Variants in HIGD1B observed in about 807,000 individuals in gnomAD.
HIGD1B encodes the protein HIG1 domain family member 1B.
Under a neutral mutation model 8.8 loss-of-function variants are expected in HIGD1B, and 9 were observed. The observed-to-expected ratio is 1.02, with a 90% CI of 0.62 to 1.78. HIGD1B has a LOEUF of 1.78. Among genes scored for constraint, HIGD1B ranks in the 40% most tolerant of loss-of-function variants. HIGD1B has a pLI of 0.00. For missense variants in HIGD1B, 126 were observed against 111.8 expected, an observed-to-expected ratio of 1.13 and a Z score of -0.57; for synonymous variants, 47 against 38.8, an observed-to-expected ratio of 1.21 and a Z score of -0.78.
upstream of HIGD1B, among the ~76,000 whole-genome samples, chr17:44,845,971 A>G (rs2050319133): frequency 6.6e-6 from 1 of 151,586 alleles, no homozygotes; most frequent in African/African-American, 2.4e-5. Context: ...CAGCCTAGAG[A>G]GTCTGTCTCT....
upstream of HIGD1B, among the ~76,000 whole-genome samples, chr17:44,845,389 A>T (rs1010824618): frequency 4.6e-5 from 7 of 152,008 alleles, no homozygotes; most frequent in African/African-American, 1.7e-4. Context: ...TGGGCCCTGT[A>T]GCTTCCACCT....
chr17:44,845,352 A>G (rs1351039785), upstream of HIGD1B, among the ~76,000 whole-genome samples: 1 of 151,886 alleles, frequency 6.6e-6, no homozygotes, highest in Non-Finnish European at 1.5e-5. Context: ...GCATCACCCC[A>G]TAGGTAGTAT....
upstream of HIGD1B, among the ~76,000 whole-genome samples, chr17:44,846,886 T>C (rs573598513): frequency 2.0e-5 from 3 of 151,710 alleles, no homozygotes; most frequent in South Asian, 4.2e-4. Context: ...CTGTAATCCC[T>C]GCACTTTGGG....
intron 1 of HIGD1B, 49 bp from the exon 2 acceptor site, chr17:44,849,205 G>A: frequency 6.2e-7 from 1 of 1,607,140 alleles, no homozygotes; most frequent in Non-Finnish European, 8.5e-7. Context: ...CATCAGGGGA[G>A]TGCTGTGCAT....
In HIGD1B at chr17:44,849,306, T is replaced by A; in HGVS notation, c.153T>A (p.Ser51=). 6.2e-7 allele frequency: 1 copy of A among 1,614,166 alleles called. No individual in the cohort carries two copies. The highest frequency in any genetic ancestry group is 1.1e-5 in the South Asian group (1 of 91,080). The change falls in exon 2 of 3, where the codon TCT becomes TCA. Residue 51 remains serine (S), a synonymous_variant. Transcript: ENST00000253410. ...VAAYRIYRLR[S]RGSTKMSIHL... ...CATACAGGATTTACCGGCTGAGGTC[T>A]CGTGGTTCCACCAAGATGTCCATAC...
In HIGD1B at chr17:44,849,271, G is replaced by GT. The variant is rs1472263387; in HGVS notation, c.119dup (p.Val41GlyfsTer64). 1.2e-6 allele frequency: 2 copies of GT among 1,613,966 alleles called. No individual in the cohort carries two copies. Among genetic ancestry groups the GT allele is most frequent in the African/African-American group, 2.7e-5 (2 of 74,902 alleles). ...GCCCACAGGCTTAGGAGGCTGCTTG[G>GT]TGGTAGCAGCATACAGGATTTACCG... On this transcript the variant is annotated frameshift_variant, in exon 2 of 3. Coordinates refer to ENST00000253410, the MANE Select transcript of HIGD1B (RefSeq NM_016438.4). LOFTEE classifies it high-confidence loss of function.
chr17:44,850,169 T>A (rs2050414751), intron 2 of HIGD1B, 163 bp from the exon 3 acceptor site: 5 of 578,032 alleles, frequency 8.7e-6, no homozygotes, highest in Non-Finnish European at 9.3e-6. Context: ...CCAGGTTGTG[T>A]GGTCAGATGC....
Position 44,848,147 on chromosome 17 carries a change from A to G in HIGD1B, c.-6A>G. ...GTCTCAGCTGCTTACATCCAGGTCC[A>G]GGATTATGTCTGCTAACAGACGCTG... On this transcript the variant is annotated 5_prime_UTR_variant, in exon 1 of 3. Transcript: ENST00000253410. 1 of 871,898 alleles carries G rather than the reference A, an allele frequency of 1.1e-6. No individual in the cohort carries two copies. The allele number at this position is 871,898 out of a possible 1,614,324, so 54.0% of individuals were successfully genotyped here. A position where few individuals can be genotyped will look rare whatever the true frequency, so the allele number is the denominator to read the frequency against.
chr17:44,849,731 C>G (rs1178480544), intron 2 of HIGD1B, among the ~76,000 whole-genome samples: 1 of 145,580 alleles, frequency 6.9e-6, no homozygotes, highest in Non-Finnish European at 1.5e-5. Flanking sequence ...TGCACTCCAG[C>G]CCGGGTGACA....
In HIGD1B at chr17:44,848,207, G is replaced by A. The variant is rs751312493; in HGVS notation, c.55G>A (p.Glu19Lys). The change falls in exon 1 of 3, where the codon GAG becomes AAG. Residue 19 changes from glutamate (E) to lysine (K), a missense_variant. Coordinates refer to ENST00000253410, the MANE Select transcript of HIGD1B (RefSeq NM_016438.4). ...VPPDDEDCVS[E>K]KLLRKTRESP... The stretch of plus-strand genomic sequence containing the variant: ...ACCTGACGACGAAGACTGTGTGTCT[G>A]AGAAGCTCCTGAGGAAGACTCGGGA... 3 of 872,938 alleles carry A rather than the reference G, an allele frequency of 3.4e-6. No individual in the cohort carries two copies. The highest frequency in any genetic ancestry group is 6.0e-6 in the Non-Finnish European group (3 of 501,684). 54.1% of individuals were successfully genotyped at this position (872,938 alleles called of 1,614,324 possible).
chr17:44,848,837 A>C (rs1317291097), intron 1 of HIGD1B, among the ~76,000 whole-genome samples: 1 of 152,024 alleles, frequency 6.6e-6, no homozygotes, highest in Non-Finnish European at 1.5e-5. Context: ...GTGCAATGGC[A>C]CAGTCTCGGT....
At chr17:44,848,646 CGTG>C (rs1567723788) in intron 1 of HIGD1B, among the ~76,000 whole-genome samples, 2 of 149,910 alleles carry the variant, frequency 1.3e-5, no homozygotes, top group African/African-American at 4.9e-5. Context: ...GGGGCTGTGT[CGTG>C]GTGATCAGCT....
rs376018559 is a variant in HIGD1B at position 44,850,451 on chromosome 17, T to C, written c.*55T>C. Reference sequence around the variant, plus strand: ...TCCCCTAACTCAATCCCTGGTACATTCCTAATAAAGCAGTTTTGAGGAAAA... The same window carrying C: ...TCCCCTAACTCAATCCCTGGTACATCCCTAATAAAGCAGTTTTGAGGAAAA... On this transcript the variant is annotated 3_prime_UTR_variant, in exon 3 of 3. Coordinates refer to ENST00000253410, the MANE Select transcript of HIGD1B (RefSeq NM_016438.4). 1.1e-5 allele frequency: 15 copies of C among 1,343,990 alleles called. No homozygotes were observed. In the African/African-American group the frequency reaches 1.1e-4, roughly 10 times the overall value. The allele number at this position is 1,343,990 out of a possible 1,614,324, so 83.3% of individuals were successfully genotyped here.
Position 44,849,433 on chromosome 17 carries a change from T to C in HIGD1B, c.235+45T>C, listed in dbSNP as rs749236549. 3.7e-6 allele frequency: 6 copies of C among 1,610,492 alleles called. No homozygotes were observed. In the East Asian group the frequency reaches 8.9e-5, roughly 24 times the overall value. On this transcript the variant is annotated intron_variant, in intron 2 of 2. Transcript: ENST00000253410. Reference sequence around the variant, plus strand: ...CGCAGAATGAGGGCAAAACCGATTATGCAGTTTGTAGGTCTTTAAGTCCCA... The same window carrying C: ...CGCAGAATGAGGGCAAAACCGATTACGCAGTTTGTAGGTCTTTAAGTCCCA...
At chr17:44,847,250 G>T (rs1411865256), upstream of HIGD1B, among the ~76,000 whole-genome samples, 2 of 151,964 alleles carry the variant, frequency 1.3e-5, no homozygotes, top group Admixed American at 6.6e-5. Flanking sequence ...TGGCTAACAA[G>T]GTGAAACCCC....
chr17:44,848,243 G>A lies in HIGD1B; in HGVS notation c.91G>A (p.Val31Met). The change falls in exon 1 of 3, where the codon GTG (valine) becomes ATG (methionine). Residue 31 changes from valine (V) to methionine (M), a missense_variant. Coordinates refer to ENST00000253410, the MANE Select transcript of HIGD1B (RefSeq NM_016438.4). ...LLRKTRESPL[V>M]PIGLGGCLVV... ...GAGGAAGACTCGGGAATCTCCACTG[G>A]TGCCTATAGGTAAGTGAAGAAAGGA... The A allele has an allele frequency of 1.1e-6, 1 of 872,854 alleles. No individual in the cohort carries two copies. Among genetic ancestry groups the A allele is most frequent in the Non-Finnish European group, 2.0e-6 (1 of 501,606 alleles). 54.1% of individuals were successfully genotyped at this position (872,854 alleles called of 1,614,324 possible). A position where few individuals can be genotyped will look rare whatever the true frequency, so the allele number is the denominator to read the frequency against.
upstream of HIGD1B, chr17:44,846,472 T>C: frequency 6.6e-6 from 1 of 152,380 alleles, no homozygotes; most frequent in Admixed American, 6.5e-5. Flanking sequence ...CAGTCCTTGC[T>C]CCTCCAGGAG....
intron 2 of HIGD1B, among the ~76,000 whole-genome samples, chr17:44,849,707 C>A (rs1365244989): frequency 3.6e-5 from 5 of 138,206 alleles, no homozygotes; most frequent in African/African-American, 1.4e-4. Flanking sequence ...CTACAGTGGG[C>A]TGAGATCCGC....
At chr17:44,847,419 G>A (rs1052592082), upstream of HIGD1B, among the ~76,000 whole-genome samples, 5 of 152,124 alleles carry the variant, frequency 3.3e-5, no homozygotes, top group African/African-American at 7.2e-5. Context: ...CGGCCTGGGC[G>A]ACAGAGCGAG....
Sources: allele counts gnomAD v4.1 joint callset (sites outside exome capture counted in the v4.1 genomes callset), GRCh38; gene constraint gnomAD v4.1.1; transcripts MANE v1.5; gene names NCBI Gene and HGNC (gene_info 2026-07-23, HGNC 2026-07-21).